Variants in RAB11FIP4 observed in about 807,000 individuals in gnomAD.
RAB11FIP4 encodes RAB11 family interacting protein 4.
In RAB11FIP4, 23 loss-of-function variants were observed where a neutral mutation model predicts 74.3. The ratio of observed to expected loss-of-function variants is 0.31; its 90% CI spans 0.22 to 0.44. The LOEUF is 0.44. RAB11FIP4 is among the 20% of genes least tolerant of loss of function. The probability of loss-of-function intolerance (pLI) is 1.00; values close to 1 mark genes in which losing one functional copy is unlikely to be tolerated. For missense variants in RAB11FIP4, 630 were observed against 863.9 expected, an observed-to-expected ratio of 0.73 and a Z score of 3.39; for synonymous variants, 360 against 359.9, an observed-to-expected ratio of 1.00 and a Z score of 0.00.
intron 3 of RAB11FIP4, among the ~76,000 whole-genome samples, chr17:31,489,428 C>T (rs936437125): frequency 2.6e-5 from 4 of 152,090 alleles, no homozygotes; most frequent in Admixed American, 6.6e-5. Flanking sequence ...CTCACTCCCC[C>T]CCATATCCTC....
At chr17:31,411,444 C>T (rs1388007994) in intron 1 of RAB11FIP4, among the ~76,000 whole-genome samples, 1 of 152,210 alleles carries the variant, frequency 6.6e-6, no homozygotes, top group Non-Finnish European at 1.5e-5. Context: ...AAGTCCCTGA[C>T]TCTCTGGAGC....
chr17:31,444,418 T>C (rs2071432808), intron 3 of RAB11FIP4, among the ~76,000 whole-genome samples: 1 of 151,402 alleles, frequency 6.6e-6, no homozygotes, highest in African/African-American at 2.4e-5. Context: ...TGTAAGATCC[T>C]CGATTTGTGT....
At chr17:31,473,737 T>C (rs12600421) in intron 3 of RAB11FIP4, among the ~76,000 whole-genome samples, 29,949 of 152,164 alleles carry the variant, frequency 0.2, 3,329 homozygotes, top group African/African-American at 0.3. Context: ...GCATGGAGGT[T>C]GGTGCGATTT....
chr17:31,445,564 ATATATATATATATATTTTTTTT>A (rs1241804046), intron 3 of RAB11FIP4, among the ~76,000 whole-genome samples: 232 of 13,112 alleles, frequency 0.018, 13 homozygotes, highest in South Asian at 0.13. Context: ...ATATATATAT[ATATATATATATATATTTTTTTT>A]TTTTTTTTTT....
At chr17:31,479,152 T>C (rs1454072810) in intron 3 of RAB11FIP4, among the ~76,000 whole-genome samples, 2 of 152,158 alleles carry the variant, frequency 1.3e-5, no homozygotes, top group Non-Finnish European at 2.9e-5. Flanking sequence ...AATTAAGAAA[T>C]GAAGTGGCTG....
Position 31,527,837 on chromosome 17 carries a change from G to A in RAB11FIP4, c.1275-5G>A, listed in dbSNP as rs368718550. The A allele has an allele frequency of 1.0e-5, 16 of 1,601,248 alleles. No homozygotes were observed. Among genetic ancestry groups the A allele is most frequent in the African/African-American group, 2.7e-5 (2 of 74,874 alleles). On this transcript the variant is annotated splice_region_variant and splice_polypyrimidine_tract_variant and intron_variant, in intron 10 of 14. Coordinates refer to ENST00000621161, the MANE Select transcript of RAB11FIP4 (RefSeq NM_032932.6). ...TTCTGAGATTTGTCTTTCTCCTTTC[G>A]CCAGGGTGCAGCAGTTGGAGGAAGA...
At chr17:31,424,019 C>T (rs1296260703) in intron 1 of RAB11FIP4, among the ~76,000 whole-genome samples, 4 of 152,100 alleles carry the variant, frequency 2.6e-5, no homozygotes, top group South Asian at 2.1e-4. Flanking sequence ...TTCTCCCACT[C>T]GATTTTTCCC....
chr17:31,437,614 G>A (rs1025854941), intron 3 of RAB11FIP4, among the ~76,000 whole-genome samples: 3 of 152,208 alleles, frequency 2.0e-5, no homozygotes, highest in African/African-American at 7.2e-5. Flanking sequence ...ATGCGTGTAT[G>A]TTGGGAGGTG....
At chr17:31,507,940 C>CCTCAGCCT (rs2072383419) in intron 3 of RAB11FIP4, among the ~76,000 whole-genome samples, 1 of 152,180 alleles carries the variant, frequency 6.6e-6, no homozygotes, top group Admixed American at 6.5e-5. Context: ...GATTCTCTAT[C>CCTCAGCCT]CTCAGCCTCT....
intron 3 of RAB11FIP4, among the ~76,000 whole-genome samples, chr17:31,444,773 C>A (rs532631146): frequency 6.6e-6 from 1 of 152,182 alleles, no homozygotes; most frequent in African/African-American, 2.4e-5. Flanking sequence ...TTTTATGAAC[C>A]TGTAGGACAT....
intron 1 of RAB11FIP4, among the ~76,000 whole-genome samples, chr17:31,427,488 A>G (rs1389353130): frequency 6.6e-6 from 1 of 152,180 alleles, no homozygotes; most frequent in Non-Finnish European, 1.5e-5. Context: ...TGGCAGAGGA[A>G]TGGACAGCTC....
intron 3 of RAB11FIP4, among the ~76,000 whole-genome samples, chr17:31,501,339 G>GA (rs2072217312): frequency 6.8e-6 from 1 of 148,128 alleles, no homozygotes; most frequent in Admixed American, 6.7e-5. Flanking sequence ...AAAAAAAAAA[G>GA]AAAAAAATGC....
chr17:31,396,469 A>G (rs960845813), intron 1 of RAB11FIP4, among the ~76,000 whole-genome samples: 12 of 152,222 alleles, frequency 7.9e-5, no homozygotes, highest in Non-Finnish European at 1.6e-4. Context: ...TAATACATAC[A>G]AAGGGCTTAG....
chr17:31,491,746 C>G (rs1416855681), intron 3 of RAB11FIP4, among the ~76,000 whole-genome samples: 1 of 152,198 alleles, frequency 6.6e-6, no homozygotes, highest in Non-Finnish European at 1.5e-5. Flanking sequence ...ACTGACAGTA[C>G]AAGTGAGACT....
intron 3 of RAB11FIP4, chr17:31,501,916 G>A (rs1282001795): frequency 6.5e-6 from 1 of 154,480 alleles, no homozygotes; most frequent in Non-Finnish European, 1.5e-5. Context: ...CCATCATACA[G>A]TTGAAAAATC....
In RAB11FIP4 at chr17:31,512,465, C is replaced by CT. The variant is rs2072469031; in HGVS notation, c.337-5185dup. Among the ~76,000 whole-genome samples the CT allele has an allele frequency of 6.6e-6, 1 of 152,134 alleles. No individual in the cohort carries two copies. Among genetic ancestry groups the CT allele is most frequent in the Admixed American group, 6.5e-5 (1 of 15,282 alleles). On this transcript the variant is annotated intron_variant, in intron 3 of 14. Transcript: ENST00000621161. The surrounding 1 kb of genome is among the most constrained non-coding windows in gnomAD (Gnocchi z 4.1). The stretch of plus-strand genomic sequence containing the variant: ...CACCCCCAGGGGCCTCCTGGGGCTT[C>CT]TGGAGGAACACGCTGCTGCATCCGC...
At chr17:31,453,355 C>CAAAAAAAAAAAAAAA (rs747844559) in intron 3 of RAB11FIP4, among the ~76,000 whole-genome samples, 7 of 71,810 alleles carry the variant, frequency 9.7e-5, no homozygotes, top group African/African-American at 4.1e-4. Flanking sequence ...GACCCTACCT[C>CAAAAAAAAAAAAAAA]AAAAAAAAAA....
At chr17:31,484,682 C>T (rs1380711912) in intron 3 of RAB11FIP4, among the ~76,000 whole-genome samples, 1 of 152,070 alleles carries the variant, frequency 6.6e-6, no homozygotes, top group East Asian at 1.9e-4. Context: ...AGTGTTAGCC[C>T]TTCCCTCAAA....
At chr17:31,446,981 T>C (rs1457892790) in intron 3 of RAB11FIP4, among the ~76,000 whole-genome samples, 2 of 152,032 alleles carry the variant, frequency 1.3e-5, no homozygotes, top group African/African-American at 2.4e-5. Flanking sequence ...GAGACCCCCA[T>C]ATCTATTAAT....
Sources: allele counts gnomAD v4.1 joint callset (sites outside exome capture counted in the v4.1 genomes callset), GRCh38; gene constraint gnomAD v4.1.1; non-coding constraint Gnocchi (gnomAD v3.1); transcripts MANE v1.5; gene names NCBI Gene and HGNC (gene_info 2026-07-23, HGNC 2026-07-21).